Variants in GRIN2B observed in about 807,000 individuals in gnomAD.
The protein encoded by GRIN2B is glutamate receptor ionotropic, NMDA 2B.
Under a neutral mutation model 114.5 loss-of-function variants are expected in GRIN2B, and 5 were observed. The observed-to-expected ratio is 0.04, with a 90% CI of 0.02 to 0.09. The LOEUF (loss-of-function observed/expected upper bound fraction) is 0.09. Ranked by LOEUF, GRIN2B falls within the 10% of genes least tolerant of loss-of-function variation. The pLI is 1.00. For missense variants in GRIN2B, 1,108 were observed against 1,943.5 expected (o/e 0.57, Z 8.08); for synonymous variants, 787 against 745.1 (o/e 1.06, Z -0.92).
intron 10 of GRIN2B, among the ~76,000 whole-genome samples, chr12:13,598,777 T>G (rs565501944): frequency 6.6e-6 from 1 of 152,294 alleles, no homozygotes; most frequent in Non-Finnish European, 1.5e-5. Flanking sequence ...CTACTTGGTT[T>G]GAAAGGGTTC....
At chr12:13,900,619 C>T (rs1400313250) in intron 2 of GRIN2B, among the ~76,000 whole-genome samples, 1 of 152,150 alleles carries the variant, frequency 6.6e-6, no homozygotes, top group Non-Finnish European at 1.5e-5. Flanking sequence ...AACCTTCTCC[C>T]TCACCAGTGC....
chr12:13,851,247 C>G (rs946323978), intron 3 of GRIN2B, among the ~76,000 whole-genome samples: 6 of 152,232 alleles, frequency 3.9e-5, no homozygotes, highest in Non-Finnish European at 8.8e-5. Flanking sequence ...ATTTCAGCGT[C>G]TCTAATTCCA....
At chr12:13,651,397 A>C (rs926465952) in intron 5 of GRIN2B, among the ~76,000 whole-genome samples, 1 of 152,098 alleles carries the variant, frequency 6.6e-6, no homozygotes, top group Non-Finnish European at 1.5e-5. Context: ...TCTAGAAAGA[A>C]GTTTAATTAT....
At chr12:13,691,627 C>T (rs939614755) in intron 4 of GRIN2B, among the ~76,000 whole-genome samples, 2 of 152,014 alleles carry the variant, frequency 1.3e-5, no homozygotes, top group African/African-American at 2.4e-5. Context: ...GGAAAGGAAG[C>T]AAAATAGCTT....
At chr12:13,575,803 C>A (rs1948768801) in intron 10 of GRIN2B, among the ~76,000 whole-genome samples, 3 of 152,122 alleles carry the variant, frequency 2.0e-5, no homozygotes, top group South Asian at 4.1e-4. Flanking sequence ...AGGCCAGCTG[C>A]ATGAACATGG....
chr12:13,729,738 C>T (rs1189412784), intron 4 of GRIN2B, among the ~76,000 whole-genome samples: 2 of 146,802 alleles, frequency 1.4e-5, no homozygotes, highest in Non-Finnish European at 3.0e-5. Context: ...CATTTTGCTG[C>T]CGAAAGGAAA....
chr12:13,732,234 A>G (rs1312732031), intron 4 of GRIN2B, among the ~76,000 whole-genome samples: 2 of 152,090 alleles, frequency 1.3e-5, no homozygotes, highest in African/African-American at 4.8e-5. Flanking sequence ...TTCCATGCCA[A>G]CTCCCAATAT....
intron 4 of GRIN2B, among the ~76,000 whole-genome samples, chr12:13,692,459 G>GT (rs1950222501): frequency 6.6e-6 from 1 of 152,042 alleles, no homozygotes; most frequent in African/African-American, 2.4e-5. Context: ...TTCTGGCTGG[G>GT]TGGGGCCCCT....
intron 13 of GRIN2B, among the ~76,000 whole-genome samples, chr12:13,565,688 G>T (rs1203444149): frequency 2.0e-5 from 3 of 152,184 alleles, no homozygotes; most frequent in Admixed American, 2.0e-4. Flanking sequence ...TTTGAATTGT[G>T]TCATTATAAT....
intron 3 of GRIN2B, among the ~76,000 whole-genome samples, chr12:13,829,231 A>G (rs1011083635): frequency 3.9e-5 from 6 of 152,204 alleles, no homozygotes; most frequent in African/African-American, 1.4e-4. Context: ...AATAGAAATT[A>G]CTACTGTCTA....
intron 3 of GRIN2B, among the ~76,000 whole-genome samples, chr12:13,858,012 T>A (rs1412110081): frequency 2.0e-5 from 3 of 152,174 alleles, no homozygotes; most frequent in Non-Finnish European, 4.4e-5. Context: ...CCTCTGTCTC[T>A]AGACTCTTTG....
At chr12:13,645,572 C>CAGTGTCTGT (rs1949753659) in intron 5 of GRIN2B, among the ~76,000 whole-genome samples, 1 of 152,054 alleles carries the variant, frequency 6.6e-6, no homozygotes, top group South Asian at 2.1e-4. Flanking sequence ...GTAAAAAACA[C>CAGTGTCTGT]AGTGTCTGTG....
intron 3 of GRIN2B, 39 bp downstream of exon 3, chr12:13,865,759 A>G: frequency 6.6e-7 from 1 of 1,519,596 alleles, no homozygotes; most frequent in South Asian, 1.1e-5. Context: ...AGTCCTCAGC[A>G]CAAACCCTCA....
chr12:13,849,129 T>C (rs1259827336), intron 3 of GRIN2B, among the ~76,000 whole-genome samples: 1 of 152,098 alleles, frequency 6.6e-6, no homozygotes, highest in Admixed American at 6.5e-5. Context: ...ATCAGCCTCT[T>C]CTGATACAGA....
At chr12:13,906,376 CT>C (rs911488003) in intron 2 of GRIN2B, among the ~76,000 whole-genome samples, 12 of 152,192 alleles carry the variant, frequency 7.9e-5, no homozygotes, top group Non-Finnish European at 1.5e-5. Flanking sequence ...TCTTGTACCA[CT>C]TTTCCATCTC....
intron 3 of GRIN2B, among the ~76,000 whole-genome samples, chr12:13,786,565 A>G (rs1288692894): frequency 6.6e-6 from 1 of 152,172 alleles, no homozygotes. Context: ...TACTTAAGAA[A>G]GCAGACCTGC....
At chr12:13,704,517 A>C (rs1462870751) in intron 4 of GRIN2B, among the ~76,000 whole-genome samples, 1 of 152,098 alleles carries the variant, frequency 6.6e-6, no homozygotes, top group Non-Finnish European at 1.5e-5. Context: ...ACAGCATTAC[A>C]GTTCTTCTTG....
In GRIN2B at chr12:13,563,354, CGGT is replaced by C; in HGVS notation, c.3881_3883del (p.Asn1294del). 1 of 1,614,062 alleles carries C rather than the reference CGGT, an allele frequency of 6.2e-7. No individual in the cohort carries two copies. The highest frequency in any genetic ancestry group is 1.1e-5 in the South Asian group (1 of 91,078). On this transcript the variant is annotated inframe_deletion, in exon 14 of 14. Coordinates refer to ENST00000609686, the MANE Select transcript of GRIN2B (RefSeq NM_000834.5). ...GGAGTGCTGCCGGCGCAGTTTGTTC[CGGT>C]TCTTCTTCTGGGCCTTGGAATTAGT... is the stretch of plus-strand genomic sequence containing the variant.
At chr12:13,659,173 A>G (rs978185091) in intron 5 of GRIN2B, among the ~76,000 whole-genome samples, 3 of 152,204 alleles carry the variant, frequency 2.0e-5, no homozygotes, top group African/African-American at 7.2e-5. Flanking sequence ...GTAACTCAGA[A>G]TTAGAAATCC....
Sources: gnomAD v4.1 joint callset for allele counts (sites outside exome capture counted in the v4.1 genomes callset) on GRCh38, gnomAD v4.1.1 for gene constraint, MANE v1.5 for transcripts, NCBI Gene and HGNC (gene_info 2026-07-23, HGNC 2026-07-21) for gene names.